Variants in RAB11FIP4 observed in about 807,000 individuals in gnomAD.
RAB11FIP4 encodes RAB11 family interacting protein 4.
RAB11FIP4 carries 23 observed loss-of-function variants against 74.3 expected under a neutral mutation model. The ratio of observed to expected loss-of-function variants is 0.31; its 90% CI spans 0.22 to 0.44. The LOEUF (loss-of-function observed/expected upper bound fraction) is 0.44, where lower values mean the gene tolerates loss of function less well. Ranked by LOEUF, RAB11FIP4 falls within the 20% of genes least tolerant of loss-of-function variation. The pLI, the probability that RAB11FIP4 is intolerant of heterozygous loss-of-function variation, is 1.00. For missense variants in RAB11FIP4, 630 were observed against 863.9 expected, an observed-to-expected ratio of 0.73 and a Z score of 3.39; for synonymous variants, 360 against 359.9, an observed-to-expected ratio of 1.00 and a Z score of 0.00.
At chr17:31,403,614 G>A (rs941216606) in intron 1 of RAB11FIP4, among the ~76,000 whole-genome samples, 21 of 152,212 alleles carry the variant, frequency 1.4e-4, no homozygotes, top group Admixed American at 3.9e-4. Flanking sequence ...GAGCCACCGC[G>A]CCCGGCCCTG....
intron 3 of RAB11FIP4, among the ~76,000 whole-genome samples, chr17:31,501,338 A>G (rs982783942): frequency 1.3e-5 from 2 of 150,946 alleles, no homozygotes; most frequent in African/African-American, 2.4e-5. Context: ...AAAAAAAAAA[A>G]GAAAAAAATG....
chr17:31,528,886 C>A, intron 13 of RAB11FIP4, 108 bp downstream of exon 13: 1 of 1,254,706 alleles, frequency 8.0e-7, no homozygotes, highest in Non-Finnish European at 1.1e-6. Context: ...AGCAGCACTG[C>A]CTGTCTGCTT....
chr17:31,420,440 C>A (rs2071187991), intron 1 of RAB11FIP4, among the ~76,000 whole-genome samples: 1 of 151,514 alleles, frequency 6.6e-6, no homozygotes, highest in African/African-American at 2.4e-5. Context: ...GCTATGTTGC[C>A]CAGGCTGATC....
chr17:31,492,470 T>C (rs899199396), intron 3 of RAB11FIP4, among the ~76,000 whole-genome samples: 3 of 152,062 alleles, frequency 2.0e-5, no homozygotes, highest in African/African-American at 7.2e-5. Context: ...CAGCAGGGTG[T>C]CTTGGCTACC....
intron 3 of RAB11FIP4, among the ~76,000 whole-genome samples, chr17:31,471,795 G>C (rs574408536): frequency 6.6e-6 from 1 of 152,338 alleles, no homozygotes; most frequent in East Asian, 1.9e-4. Context: ...GAGCCTTGCA[G>C]GCTGGGCCTG....
intron 10 of RAB11FIP4, chr17:31,527,606 A>T: frequency 2.1e-6 from 1 of 467,154 alleles, no homozygotes; most frequent in Non-Finnish European, 3.7e-6. Context: ...AAAAAAAAGA[A>T]AGAAAATAAG....
intron 3 of RAB11FIP4, among the ~76,000 whole-genome samples, chr17:31,445,320 G>A (rs1416814834): frequency 6.6e-6 from 1 of 150,978 alleles, no homozygotes; most frequent in Non-Finnish European, 1.5e-5. Context: ...CTGCCCCTGT[G>A]TTTGTTGGTG....
intron 3 of RAB11FIP4, chr17:31,509,279 T>C (rs2072409920): frequency 5.0e-5 from 1 of 20,072 alleles, no homozygotes; most frequent in South Asian, 1.3e-3. Flanking sequence ...GCCTGCTTGC[T>C]TCTCATGTGA....
intron 3 of RAB11FIP4, among the ~76,000 whole-genome samples, chr17:31,467,295 A>G (rs745861844): frequency 6.6e-6 from 1 of 151,866 alleles, no homozygotes; most frequent in Non-Finnish European, 1.5e-5. Flanking sequence ...TATTTTTAGT[A>G]GAGACTAAAA....
In RAB11FIP4 at chr17:31,499,159, G is replaced by T. The variant is rs76904438; in HGVS notation, c.337-18492G>T. Among the ~76,000 whole-genome samples, 4 of 152,240 alleles carry T rather than the reference G, an allele frequency of 2.6e-5. No homozygotes were observed. In the East Asian group the frequency reaches 7.7e-4, roughly 29 times the overall value. ...TGGCTGCATGGGAACTGGAGCTTCC[G>T]GTAGGCATTTGGGAAATCTTTTCTG... is the stretch of plus-strand genomic sequence containing the variant. On this transcript the variant is annotated intron_variant, in intron 3 of 14. Transcript: ENST00000621161.
intron 1 of RAB11FIP4, among the ~76,000 whole-genome samples, chr17:31,404,367 G>T (rs899734861): frequency 1.3e-5 from 2 of 152,196 alleles, no homozygotes; most frequent in Admixed American, 6.5e-5. Context: ...CATCTCTCAG[G>T]TTCTCTCCCT....
intron 3 of RAB11FIP4, among the ~76,000 whole-genome samples, chr17:31,507,194 G>A (rs1350933845): frequency 1.3e-5 from 2 of 152,148 alleles, no homozygotes; most frequent in Non-Finnish European, 2.9e-5. Context: ...CAGGAGAATC[G>A]CTTGATTCCG....
At chr17:31,465,810 G>T (rs1188610888) in intron 3 of RAB11FIP4, 1 of 151,796 alleles carries the variant, frequency 6.6e-6, no homozygotes, top group African/African-American at 2.4e-5. Flanking sequence ...TCTAGCCTGG[G>T]TAACATCATA....
At chr17:31,438,200 G>T (rs1044348635) in intron 3 of RAB11FIP4, among the ~76,000 whole-genome samples, 2 of 152,072 alleles carry the variant, frequency 1.3e-5, no homozygotes, top group South Asian at 2.1e-4. Context: ...GGGCCCCCGT[G>T]GGGAGGGGGC....
rs576708523 is a variant in RAB11FIP4, at chr17:31,513,599, C to T, written c.337-4052C>T. On this transcript the variant is annotated intron_variant, in intron 3 of 14. Coordinates refer to ENST00000621161, the MANE Select transcript of RAB11FIP4 (RefSeq NM_032932.6). ...AAGGGGATCTTGGGACAGGCATAAA[C>T]CAGTACTGTCCTGGGCTAACCAAGG... 1.4e-3 allele frequency among the ~76,000 whole-genome samples: 214 copies of T among 152,334 alleles called. 2 individuals are homozygous for T. The highest frequency in any genetic ancestry group is 4.7e-3 in the African/African-American group (197 of 41,574).
At chr17:31,447,659 A>C (rs1250368174) in intron 3 of RAB11FIP4, among the ~76,000 whole-genome samples, 1 of 151,812 alleles carries the variant, frequency 6.6e-6, no homozygotes, top group Non-Finnish European at 1.5e-5. Context: ...AGTAGCTGGG[A>C]TTACACACGC....
chr17:31,471,612 C>T (rs2071737597), intron 3 of RAB11FIP4, among the ~76,000 whole-genome samples: 1 of 152,170 alleles, frequency 6.6e-6, no homozygotes, highest in Non-Finnish European at 1.5e-5. Context: ...AAAGTCAGGG[C>T]TGCTGAAGGG....
intron 3 of RAB11FIP4, among the ~76,000 whole-genome samples, chr17:31,501,191 C>CTTT (rs200653351): frequency 8.6e-4 from 125 of 145,570 alleles, no homozygotes; most frequent in Non-Finnish European, 1.4e-3. Context: ...GAGAATACAA[C>CTTT]TTTTTTTTTT....
chr17:31,519,838 T>C (rs1399297124), intron 4 of RAB11FIP4, among the ~76,000 whole-genome samples: 1 of 151,982 alleles, frequency 6.6e-6, no homozygotes, highest in African/African-American at 2.4e-5. Context: ...CTCGTGCTGC[T>C]CTCTGGGAGC....
Sources: gnomAD v4.1 joint callset for allele counts (sites outside exome capture counted in the v4.1 genomes callset) on GRCh38, gnomAD v4.1.1 for gene constraint, MANE v1.5 for transcripts, NCBI Gene and HGNC (gene_info 2026-07-23, HGNC 2026-07-21) for gene names.